TIMELESS: variants seen among roughly 807,000 people sequenced by gnomAD.
TIMELESS encodes timeless circadian regulator, also known as protein timeless homolog.
A neutral mutation model predicts 164.3 loss-of-function variants in TIMELESS; 124 were observed. The ratio of observed to expected loss-of-function variants is 0.75; its 90% CI spans 0.65 to 0.88. The LOEUF is 0.88. Ranked by LOEUF, TIMELESS falls within the 40% of genes least tolerant of loss-of-function variation. TIMELESS has a pLI of 0.00. For missense variants in TIMELESS, 1,422 were observed against 1,491.4 expected, an observed-to-expected ratio of 0.95 and a Z score of 0.77; for synonymous variants, 564 against 563.4, an observed-to-expected ratio of 1.00 and a Z score of -0.02.
chr12:56,420,934 G>C (rs373156287), intron 24 of TIMELESS, 29 bp downstream of exon 24: 1 of 1,614,060 alleles, frequency 6.2e-7, no homozygotes, highest in Non-Finnish European at 8.5e-7. Context: ...CCCTCCACCT[G>C]AGACATCTCT....
intron 1 of TIMELESS, among the ~76,000 whole-genome samples, chr12:56,435,393 CTG>C (rs1037276933): frequency 6.6e-6 from 1 of 152,120 alleles, no homozygotes; most frequent in Non-Finnish European, 1.5e-5. Context: ...GGGTTTCACT[CTG>C]TTGCCCAGGC....
intron 5 of TIMELESS, 54 bp from the exon 6 acceptor site, chr12:56,433,181 T>C (rs1197569708): frequency 1.2e-5 from 19 of 1,564,142 alleles, no homozygotes; most frequent in Non-Finnish European, 1.3e-5. Flanking sequence ...AGGCAGTATG[T>C]ACTCTGGCTG....
chr12:56,433,832 G>T lies in TIMELESS; in HGVS notation c.192C>A (p.Asp64Glu). 6.2e-7 allele frequency: 1 copy of T among 1,614,172 alleles called. No individual in the cohort carries two copies. The highest frequency in any genetic ancestry group is 8.5e-7 in the Non-Finnish European group (1 of 1,180,034). The change falls in exon 3 of 29, where the codon GAC becomes GAA. Residue 64 changes from aspartate to glutamate, a missense_variant. Physicochemically the swap from Asp to Glu is conservative, Grantham distance 45. Coordinates refer to ENST00000553532, the MANE Select transcript of TIMELESS (RefSeq NM_003920.5). ...GGTGCTGGGTGAGGATGGGCAGAAG[G>T]TCGCTCTGTAGGATCTGGGCTGCCC... ...QLGAAQILQS[D>E]LLPILTQHHQ...
intron 1 of TIMELESS, 131 bp downstream of exon 1, chr12:56,449,179 A>C (rs1384490371): frequency 6.6e-6 from 1 of 152,390 alleles, no homozygotes; most frequent in Non-Finnish European, 1.5e-5. Flanking sequence ...GCGCGCCTGC[A>C]GCACGAGCCC....
rs760429700 is a variant in TIMELESS, at chr12:56,429,148, C to CCAA, written c.1087-51_1087-49dup. On this transcript the variant is annotated intron_variant, in intron 10 of 28. Coordinates refer to ENST00000553532, the MANE Select transcript of TIMELESS (RefSeq NM_003920.5). The stretch of plus-strand genomic sequence containing the variant: ...AAAGATCACCATGACTCCAGGGCTT[C>CCAA]CAACTTCTTCCTTCCTGTCCTATGA... 1.3e-5 allele frequency: 20 copies of CCAA among 1,512,708 alleles called. No homozygotes were observed. In the Admixed American group the frequency reaches 2.4e-4, roughly 18 times the overall value. 93.7% of individuals were successfully genotyped at this position (1,512,708 alleles called of 1,614,324 possible).
intron 26 of TIMELESS, among the ~76,000 whole-genome samples, chr12:56,420,048 A>ATATGTGTGTGTG (rs1473074484): frequency 1.0e-3 from 91 of 87,256 alleles, no homozygotes; most frequent in African/African-American, 4.2e-3. Context: ...ATATATATAT[A>ATATGTGTGTGTG]TGTGTGTGTG....
Position 56,438,275 on chromosome 12 carries a change from C to T in TIMELESS, c.-61-4044G>A, listed in dbSNP as rs577831141. On this transcript the variant is annotated intron_variant, in intron 1 of 28. Coordinates refer to ENST00000553532, the MANE Select transcript of TIMELESS (RefSeq NM_003920.5). Reference sequence around the variant, plus strand: ...GGTCAGGCTGGTCACAAACTCCCGACCTCTGGTGATCTGCCCGTCTTGGCC... The same window carrying T: ...GGTCAGGCTGGTCACAAACTCCCGATCTCTGGTGATCTGCCCGTCTTGGCC... Among the ~76,000 whole-genome samples the T allele has an allele frequency of 1.3e-4, 20 of 152,218 alleles. 1 individual carries two copies. Among genetic ancestry groups the T allele is most frequent in the African/African-American group, 4.8e-4 (20 of 41,540 alleles).
In TIMELESS at chr12:56,433,552, G is replaced by A. The variant is rs1479831355; in HGVS notation, c.352C>T (p.Gln118Ter). Residue 118 changes from glutamine to a stop codon, truncating the protein, a stop_gained, in exon 4 of 29, where the codon CAG becomes TAG. Transcript: ENST00000553532. LOFTEE classifies it high-confidence loss of function. ...GAAATCCTCACCTCTTTGTAGGCCTGCAAATAAGTTAGCACCTGCAAAAAA... is the reference window on the plus strand; with the variant it reads ...GAAATCCTCACCTCTTTGTAGGCCTACAAATAAGTTAGCACCTGCAAAAAA... ...HHFLQVLTYL[Q>*]AYKEAFASEK... 1.9e-6 allele frequency: 3 copies of A among 1,614,220 alleles called. No individual in the cohort carries two copies. Among genetic ancestry groups the A allele is most frequent in the Non-Finnish European group, 1.7e-6 (2 of 1,180,044 alleles).
At chr12:56,418,427 G>T in intron 26 of TIMELESS, 68 bp from the exon 27 acceptor site, 1 of 1,141,538 alleles carries the variant, frequency 8.8e-7, no homozygotes, top group Non-Finnish European at 1.3e-6. Flanking sequence ...GATATTCATT[G>T]AATATATATG....
Position 56,422,113 on chromosome 12 carries a change from G to A in TIMELESS, c.2517C>T (p.Asp839=), listed in dbSNP as rs760262989. The A allele has an allele frequency of 1.5e-5, 25 of 1,613,980 alleles. No homozygotes were observed. The East Asian group carries it at 2.2e-4, about 14-fold the overall frequency. The part of the protein sequence containing the change: ...HLRELYLANK[D]VEGQDVVEAI... ...GATCCCAAGGCCTCTCACCTTCCAC[G>A]TCCTTATTGGCGAGGTACAGCTCCC... is the stretch of plus-strand genomic sequence containing the variant. The change falls in exon 20 of 29, where the codon GAC becomes GAT. Residue 839 remains aspartate (D), a synonymous_variant. Coordinates refer to ENST00000553532, the MANE Select transcript of TIMELESS (RefSeq NM_003920.5).
intron 7 of TIMELESS, among the ~76,000 whole-genome samples, chr12:56,431,842 G>T (rs1431640565): frequency 1.3e-5 from 2 of 150,708 alleles, no homozygotes; most frequent in African/African-American, 4.9e-5. Context: ...ATTTGTATGT[G>T]TATACACATA....
At chr12:56,446,138 C>T (rs1868347085) in intron 1 of TIMELESS, among the ~76,000 whole-genome samples, 2 of 152,164 alleles carry the variant, frequency 1.3e-5, no homozygotes, top group African/African-American at 2.4e-5. Flanking sequence ...CTCCTGGGCT[C>T]AAGCGACCCA....
intron 1 of TIMELESS, among the ~76,000 whole-genome samples, chr12:56,438,165 C>T (rs949560866): frequency 2.6e-5 from 4 of 152,120 alleles, no homozygotes; most frequent in African/African-American, 7.2e-5. Flanking sequence ...CCTGCCTCAG[C>T]GTCCCAAGTA....
In TIMELESS at chr12:56,425,007, C is replaced by A. The variant is rs1458635959; in HGVS notation, c.1716+8G>T. The A allele has an allele frequency of 6.2e-7, 1 of 1,614,146 alleles. No homozygotes were observed. The highest frequency in any genetic ancestry group is 8.5e-7 in the Non-Finnish European group (1 of 1,180,004). On this transcript the variant is annotated splice_region_variant and intron_variant, in intron 14 of 28. Transcript: ENST00000553532. ...CTCAAAAAAGACAGGGTTTCTGTAA[C>A]CACCTACCTGGGCACAGCACTGTAG...
At chr12:56,423,983 T>A in intron 15 of TIMELESS, 89 bp from the exon 16 acceptor site, 1 of 1,201,374 alleles carries the variant, frequency 8.3e-7, no homozygotes, top group African/African-American at 1.5e-5. Flanking sequence ...TTAGACTTAT[T>A]TCTTTTGTTG....
chr12:56,424,725 C>G (rs375791722), intron 15 of TIMELESS, 37 bp downstream of exon 15: 12 of 1,602,924 alleles, frequency 7.5e-6, no homozygotes, highest in Non-Finnish European at 9.4e-6. Context: ...TCCTCCTTCC[C>G]CCAAAGCCCA....
intron 13 of TIMELESS, 128 bp downstream of exon 13, chr12:56,428,108 C>T: frequency 1.2e-6 from 1 of 819,312 alleles, no homozygotes; most frequent in Non-Finnish European, 1.8e-6. Context: ...CACCCACAAA[C>T]CTCTTGCTGT....
At chr12:56,444,178 G>C (rs924267530) in intron 1 of TIMELESS, among the ~76,000 whole-genome samples, 1 of 152,148 alleles carries the variant, frequency 6.6e-6, no homozygotes, top group Non-Finnish European at 1.5e-5. Context: ...TTACAGGCAT[G>C]AGCCACCGTG....
At chr12:56,420,029 A>ATAT (rs1322497995) in intron 26 of TIMELESS, among the ~76,000 whole-genome samples, 5 of 75,188 alleles carry the variant, frequency 6.7e-5, no homozygotes, top group Admixed American at 2.0e-4. Context: ...AAAAAAAAAA[A>ATAT]ATATATATAT....
Sources: allele counts gnomAD v4.1 joint callset (sites outside exome capture counted in the v4.1 genomes callset), GRCh38; gene constraint gnomAD v4.1.1; transcripts MANE v1.5; gene names NCBI Gene and HGNC (gene_info 2026-07-23, HGNC 2026-07-21).